NHSL1: variants seen among roughly 807,000 people sequenced by gnomAD.
NHSL1 encodes NHS-like protein 1.
Under a neutral mutation model 95.0 loss-of-function variants are expected in NHSL1, and 48 were observed. The ratio of observed to expected loss-of-function variants is 0.51; its 90% confidence interval spans 0.40 to 0.64. NHSL1 has a LOEUF of 0.64. NHSL1 is among the 30% of genes least tolerant of loss of function. NHSL1 has a pLI of 0.00. For missense variants in NHSL1, 1,971 were observed against 2,077.7 expected, an observed-to-expected ratio of 0.95 and a Z score of 1.00; for synonymous variants, 783 against 833.9, an observed-to-expected ratio of 0.94 and a Z score of 1.05.
At position 138,661,955 on chromosome 6, in the gene NHSL1, C is replaced by T. The variant is rs566892281; in HGVS notation, c.96+30521G>A. Among the ~76,000 whole-genome samples, 14 of 152,000 alleles carry T rather than the reference C, an allele frequency of 9.2e-5. No individual in the cohort carries two copies. In the South Asian group the frequency reaches 2.7e-3, roughly 29 times the overall value. The stretch of plus-strand genomic sequence containing the variant: ...CAGAAGTGGTGGCGTGCACCTGTAG[C>T]CTCAGCTACTTGAGAGGCTGAGGTA... On this transcript the variant is annotated intron_variant, in intron 1 of 3. Coordinates refer to the NHSL1 transcript ENST00000491526.
intron 1 of NHSL1, among the ~76,000 whole-genome samples, chr6:138,565,248 A>C (rs1375288751): frequency 6.6e-6 from 1 of 152,074 alleles, no homozygotes; most frequent in Admixed American, 6.6e-5. Flanking sequence ...CTGGGATTAC[A>C]GGTATGCCGC....
chr6:138,523,296 ATTTTGT>A (rs956618084), intron 1 of NHSL1, among the ~76,000 whole-genome samples: 1 of 151,946 alleles, frequency 6.6e-6, no homozygotes, highest in African/African-American at 2.4e-5. Context: ...GAGTTTTTAA[ATTTTGT>A]TTTTATTTTA....
intron 3 of NHSL1, among the ~76,000 whole-genome samples, chr6:138,447,789 G>T (rs1776959431): frequency 6.6e-6 from 1 of 152,086 alleles, no homozygotes; most frequent in Admixed American, 6.6e-5. Flanking sequence ...ATTTTAAAAA[G>T]AAAGTTCGTG....
intron 3 of NHSL1, among the ~76,000 whole-genome samples, chr6:138,463,309 T>TG: frequency 2.0e-5 from 3 of 152,126 alleles, no homozygotes; most frequent in African/African-American, 7.2e-5. Flanking sequence ...TGACTCCCCA[T>TG]CTCACCCAGG....
At chr6:138,537,438 A>G (rs1782402126) in intron 1 of NHSL1, among the ~76,000 whole-genome samples, 1 of 152,246 alleles carries the variant, frequency 6.6e-6, no homozygotes, top group Admixed American at 6.5e-5. Flanking sequence ...ACTGAGAAAT[A>G]CATCTGCCTT....
rs1338708135 is a variant in NHSL1, at chr6:138,499,332, T to C, written c.-42A>G. The C allele has an allele frequency of 5.2e-6, 8 of 1,547,868 alleles. No individual in the cohort carries two copies. The highest frequency in any genetic ancestry group is 6.1e-6 in the Non-Finnish European group (7 of 1,144,926). The stretch of plus-strand genomic sequence containing the variant: ...TAGAGCTTAGAAATGTAAATCACAT[T>C]AAAAGCTCAGCCCAGTAGGCAGGTG... On this transcript the variant is annotated 5_prime_UTR_variant, in exon 1 of 8. Coordinates refer to ENST00000343505, the MANE Select transcript of NHSL1 (RefSeq NM_001144060.2).
chr6:138,574,885 A>T (rs1016433300), upstream of NHSL1, among the ~76,000 whole-genome samples: 1 of 151,836 alleles, frequency 6.6e-6, no homozygotes, highest in African/African-American at 2.4e-5. Context: ...AATTATATAT[A>T]TGCTTAAACC....
At chr6:138,607,050 G>A (rs1335357008) in intron 1 of NHSL1, among the ~76,000 whole-genome samples, 3 of 152,090 alleles carry the variant, frequency 2.0e-5, no homozygotes, top group Non-Finnish European at 4.4e-5. Flanking sequence ...CCTCAAAGAG[G>A]AGGTGCCCCC....
At position 138,635,154 on chromosome 6, in the gene NHSL1, A is replaced by T. The variant is rs150805037; in HGVS notation, c.96+57322T>A. Among the ~76,000 whole-genome samples, 39 of 152,206 alleles carry T rather than the reference A, an allele frequency of 2.6e-4. No homozygotes were observed. The East Asian group carries it at 7.5e-3, about 29-fold the overall frequency. ...AAAGCAAGAGCAAACCAAACCCAAA[A>T]TTCCTAGAAGAAAAGAAATAATAAA... is the stretch of plus-strand genomic sequence containing the variant. On this transcript the variant is annotated intron_variant, in intron 1 of 3. Transcript: ENST00000491526.
Position 138,447,016 on chromosome 6 carries a change from G to GCAC in NHSL1, c.514_516dup (p.Val172dup). On this transcript the variant is annotated inframe_insertion, in exon 4 of 8. Coordinates refer to ENST00000343505, the MANE Select transcript of NHSL1 (RefSeq NM_001144060.2). ...CAAAGCGTACCAGTTATGTTAATAG[G>GCAC]CACCACGTCAGCCTGGACTGTTTGG... 1 of 1,551,620 alleles carries GCAC rather than the reference G, an allele frequency of 6.4e-7. No homozygotes were observed. Among genetic ancestry groups the GCAC allele is most frequent in the Non-Finnish European group, 8.7e-7 (1 of 1,146,948 alleles).
At chr6:138,691,950 C>T (rs1340591632) in intron 1 of NHSL1, 1 of 456,718 alleles carries the variant, frequency 2.2e-6, no homozygotes, top group East Asian at 6.9e-5. Context: ...CATAGTTTTG[C>T]TTGTCGGTAA....
intron 1 of NHSL1, among the ~76,000 whole-genome samples, chr6:138,652,396 C>T (rs567275879): frequency 1.3e-5 from 2 of 149,288 alleles, no homozygotes; most frequent in East Asian, 2.0e-4. Flanking sequence ...GCTGAGATCG[C>T]GCCATTACAC....
chr6:138,562,922 G>A (rs2114319230), intron 1 of NHSL1, among the ~76,000 whole-genome samples: 1 of 152,268 alleles, frequency 6.6e-6, no homozygotes, highest in African/African-American at 2.4e-5. Context: ...CTTGAAAAAG[G>A]CTAGACTTCA....
chr6:138,469,820 G>A (rs1462850440), intron 3 of NHSL1, among the ~76,000 whole-genome samples: 1 of 152,144 alleles, frequency 6.6e-6, no homozygotes, highest in Non-Finnish European at 1.5e-5. Context: ...TAAGCAAAAG[G>A]ATGGAAAACA....
chr6:138,532,780 A>G lies in NHSL1; in HGVS notation c.16+12843T>C, dbSNP rs145055124. Among the ~76,000 whole-genome samples, 1,217 of 152,292 alleles carry G rather than the reference A, an allele frequency of 8.0e-3. 10 individuals are homozygous for G. The highest frequency in any genetic ancestry group is 0.012 in the Non-Finnish European group (809 of 68,012). On this transcript the variant is annotated intron_variant, in intron 1 of 4. Coordinates refer to the NHSL1 transcript ENST00000342260. ...AGGGGTCTTTCTGTTTTACATGCAG[A>G]AATTTTACTCACGGCTAATAGCATC...
At chr6:138,603,072 A>T (rs557321572) in intron 1 of NHSL1, among the ~76,000 whole-genome samples, 1 of 152,348 alleles carries the variant, frequency 6.6e-6, no homozygotes, top group South Asian at 2.1e-4. Flanking sequence ...TTATGGAAAG[A>T]AGATACCTTC....
chr6:138,685,566 A>G (rs189575160), intron 1 of NHSL1, among the ~76,000 whole-genome samples: 4 of 152,154 alleles, frequency 2.6e-5, no homozygotes, highest in African/African-American at 9.6e-5. Context: ...AAGAGCCCAT[A>G]CAGGCTGGGT....
chr6:138,689,431 T>A (rs7741612), intron 1 of NHSL1, among the ~76,000 whole-genome samples: 23,593 of 152,220 alleles, frequency 0.15, 1,982 homozygotes, highest in Admixed American at 0.25. Flanking sequence ...TTTCTACCCA[T>A]GAGATTTTGA....
chr6:138,433,474 T>C lies in NHSL1; in HGVS notation c.871A>G (p.Met291Val). 6.4e-7 allele frequency: 1 copy of C among 1,552,236 alleles called. No individual in the cohort carries two copies. Among genetic ancestry groups the C allele is most frequent in the Non-Finnish European group, 8.7e-7 (1 of 1,147,118 alleles). The change falls in exon 6 of 8, where the codon ATG becomes GTG. Residue 291 changes from methionine to valine, a missense_variant. Transcript: ENST00000343505. ...CCAGAGGAACCTGAGAAGTGGCCCA[T>C]CTGGGCAGCAATGCCTTGCCCCTTC... is the stretch of plus-strand genomic sequence containing the variant. ...AQKGQGIAAQ[M>V]GHFSGSSGNM...
Sources: gnomAD v4.1 joint callset for allele counts (sites outside exome capture counted in the v4.1 genomes callset) on GRCh38, gnomAD v4.1.1 for gene constraint, MANE v1.5 for transcripts, NCBI Gene and HGNC (gene_info 2026-07-23, HGNC 2026-07-21) for gene names.